The following GABRA2 variants were observed in gnomAD, a reference collection of about 807,000 sequenced individuals.
GABRA2 encodes the protein gamma-aminobutyric acid receptor subunit alpha-2.
GABRA2 carries 16 observed loss-of-function variants against 48.7 expected under a neutral mutation model. The ratio of observed to expected loss-of-function variants is 0.33; its 90% CI spans 0.22 to 0.50. The LOEUF (loss-of-function observed/expected upper bound fraction) is 0.50. Among genes scored for constraint, GABRA2 ranks in the 20% least tolerant of loss-of-function variants. GABRA2 has a pLI of 0.98. For missense variants in GABRA2, 275 were observed against 535.6 expected (o/e 0.51, Z 4.80); for synonymous variants, 185 against 184.5 (o/e 1.00, Z -0.02).
chr4:46,310,315 G>T, intron 5 of GABRA2, 60 bp from the exon 6 acceptor site: 4 of 1,210,272 alleles, frequency 3.3e-6, no homozygotes, highest in Non-Finnish European at 4.9e-6. Context: ...AAAATCACTC[G>T]TCATTACTCT....
intron 9 of GABRA2, among the ~76,000 whole-genome samples, chr4:46,253,089 G>A (rs978464370): frequency 1.1e-4 from 16 of 151,554 alleles, no homozygotes; most frequent in African/African-American, 3.9e-4. Context: ...AGGAAAGTTT[G>A]ATGGAAGTAG....
intron 8 of GABRA2, among the ~76,000 whole-genome samples, chr4:46,269,479 A>G (rs1280246022): frequency 6.6e-6 from 1 of 151,880 alleles, no homozygotes; most frequent in African/African-American, 2.4e-5. Context: ...TACCATGACA[A>G]TATCACAAAG....
intron 3 of GABRA2, among the ~76,000 whole-genome samples, chr4:46,338,287 G>A (rs1378280132): frequency 6.7e-6 from 1 of 148,368 alleles, no homozygotes; most frequent in Non-Finnish European, 1.5e-5. Context: ...AATAACTCTA[G>A]GAAAATGTTC....
Position 46,250,044 on chromosome 4 carries a change from G to A in GABRA2, c.*264C>T, listed in dbSNP as rs1714423353. On this transcript the variant is annotated 3_prime_UTR_variant, in exon 10 of 10. Transcript: ENST00000381620. ...ATTTGGAAGAATAGGAAATTAATCA[G>A]GTCACTTGAAATTCACTTTAAATCA... 1 of 353,488 alleles carries A rather than the reference G, an allele frequency of 2.8e-6. No homozygotes were observed. The highest frequency in any genetic ancestry group is 5.2e-6 in the Non-Finnish European group (1 of 193,990). 21.9% of individuals were successfully genotyped at this position (353,488 alleles called of 1,614,324 possible).
intron 8 of GABRA2, among the ~76,000 whole-genome samples, chr4:46,296,127 A>G (rs1449606129): frequency 6.6e-6 from 1 of 152,158 alleles, no homozygotes; most frequent in African/African-American, 2.4e-5. Context: ...GTTCTCCAGA[A>G]GGCCGTGTAT....
intron 9 of GABRA2, among the ~76,000 whole-genome samples, chr4:46,252,086 C>G (rs778537334): frequency 6.6e-6 from 1 of 151,310 alleles, no homozygotes; most frequent in African/African-American, 2.4e-5. Flanking sequence ...TAATTAAGAG[C>G]TCTCAAAGTG....
intron 3 of GABRA2, chr4:46,363,937 G>A (rs1423237169): frequency 6.6e-6 from 1 of 152,100 alleles, no homozygotes; most frequent in Non-Finnish European, 1.5e-5. Flanking sequence ...ACATGTAATT[G>A]ATTAAAAATG....
At chr4:46,306,560 A>G (rs1349099296) in intron 6 of GABRA2, among the ~76,000 whole-genome samples, 4 of 152,190 alleles carry the variant, frequency 2.6e-5, no homozygotes, top group Non-Finnish European at 5.9e-5. Context: ...GAGTCCCTCC[A>G]CAGTTGAGTA....
rs182374134 is a variant in GABRA2 at position 46,271,217 on chromosome 4, T to C, written c.857-9089A>G. Among the ~76,000 whole-genome samples, 54 of 152,006 alleles carry C rather than the reference T, an allele frequency of 3.6e-4. No homozygotes were observed. The Middle Eastern group carries it at 0.014, about 38-fold the overall frequency. On this transcript the variant is annotated intron_variant, in intron 8 of 9. Coordinates refer to ENST00000381620, the MANE Select transcript of GABRA2 (RefSeq NM_000807.4). ...TTGATACCACCTGCTGGTTATTGCT[T>C]GGAATGACAGAAACAAAAGATACTC...
At chr4:46,312,414 C>T in intron 5 of GABRA2, 82 bp downstream of exon 5, 2 of 878,394 alleles carry the variant, frequency 2.3e-6, no homozygotes, top group African/African-American at 1.7e-5. Context: ...TTTGTTAATA[C>T]TTGACAGCTA....
chr4:46,282,068 C>T (rs999658693), intron 8 of GABRA2, among the ~76,000 whole-genome samples: 1 of 152,136 alleles, frequency 6.6e-6, no homozygotes, highest in Non-Finnish European at 1.5e-5. Context: ...AGGAGGTTCT[C>T]TTCTAGTTGC....
intron 8 of GABRA2, among the ~76,000 whole-genome samples, chr4:46,263,131 T>C (rs530020492): frequency 1.3e-5 from 2 of 151,918 alleles, no homozygotes; most frequent in Non-Finnish European, 2.9e-5. Flanking sequence ...ACATACAATA[T>C]AGGAAATGAA....
chr4:46,322,139 T>A (rs1729559950), intron 4 of GABRA2, among the ~76,000 whole-genome samples: 1 of 151,614 alleles, frequency 6.6e-6, no homozygotes, highest in African/African-American at 2.4e-5. Context: ...AGAGGAAGAG[T>A]AGATCTTGGC....
At chr4:46,277,873 C>A (rs1223705818) in intron 8 of GABRA2, among the ~76,000 whole-genome samples, 1 of 152,094 alleles carries the variant, frequency 6.6e-6, no homozygotes, top group Non-Finnish European at 1.5e-5. Flanking sequence ...TACCAGATCT[C>A]CTGATATTTC....
rs913761419 is a variant in GABRA2 at position 46,247,519 on chromosome 4, G to A, written c.*2789C>T. 3.3e-5 allele frequency among the ~76,000 whole-genome samples: 5 copies of A among 151,186 alleles called. No homozygotes were observed. The highest frequency in any genetic ancestry group is 2.1e-4 in the South Asian group (1 of 4,826). On this transcript the variant is annotated 3_prime_UTR_variant, in exon 10 of 10. Transcript: ENST00000381620. ...TTGAATAAATATTAGTTAAATCAGA[G>A]TAGTAGCTATAAAATAATGAGATTA...
intron 8 of GABRA2, among the ~76,000 whole-genome samples, chr4:46,290,131 C>T (rs145955981): frequency 7.6e-4 from 114 of 150,634 alleles, no homozygotes; most frequent in Admixed American, 3.1e-3. Flanking sequence ...GTCTTGATCT[C>T]CTGACCTCGT....
At chr4:46,265,576 T>C (rs1467496951) in intron 8 of GABRA2, among the ~76,000 whole-genome samples, 1 of 150,176 alleles carries the variant, frequency 6.7e-6, no homozygotes, top group African/African-American at 2.4e-5. Context: ...TTCTCTTTTT[T>C]TCTTGGTCAT....
At chr4:46,370,073 A>G (rs975881863) in intron 3 of GABRA2, among the ~76,000 whole-genome samples, 30 of 152,104 alleles carry the variant, frequency 2.0e-4, no homozygotes, top group African/African-American at 7.2e-4. Context: ...AAGAGATGGA[A>G]CCAAAAAAGT....
At chr4:46,276,305 G>T (rs1411175892) in intron 8 of GABRA2, among the ~76,000 whole-genome samples, 1 of 152,032 alleles carries the variant, frequency 6.6e-6, no homozygotes, top group Non-Finnish European at 1.5e-5. Flanking sequence ...AGTTAACCTA[G>T]ACATGGGTTA....
Sources: allele counts gnomAD v4.1 joint callset (sites outside exome capture counted in the v4.1 genomes callset), GRCh38; gene constraint gnomAD v4.1.1; transcripts MANE v1.5; gene names NCBI Gene and HGNC (gene_info 2026-07-23, HGNC 2026-07-21).